Variants in FAM13A observed in about 807,000 individuals in gnomAD.
FAM13A encodes the protein protein FAM13A.
A neutral mutation model predicts 129.6 loss-of-function variants in FAM13A; 76 were observed. The observed-to-expected ratio is 0.59, with a 90% CI of 0.49 to 0.71. FAM13A has a LOEUF of 0.71. FAM13A is among the 30% of genes least tolerant of loss of function. The probability of loss-of-function intolerance (pLI) is 0.00; values close to 1 mark genes in which losing one functional copy is unlikely to be tolerated. For missense variants in FAM13A, 1,108 were observed against 1,249.3 expected (o/e 0.89, Z 1.70); for synonymous variants, 443 against 449.9 (o/e 0.98, Z 0.20).
chr4:88,820,133 T>A (rs181170427), intron 7 of FAM13A, among the ~76,000 whole-genome samples: 11 of 152,324 alleles, frequency 7.2e-5, no homozygotes, highest in Admixed American at 2.0e-4. Flanking sequence ...TTCTATACAC[T>A]CTCACAATAC....
intron 4 of FAM13A, among the ~76,000 whole-genome samples, chr4:88,962,826 T>A (rs1344610713): frequency 6.6e-6 from 1 of 152,056 alleles, no homozygotes; most frequent in Non-Finnish European, 1.5e-5. Context: ...TTAGGTAAAT[T>A]CCAAAACATA....
intron 12 of FAM13A, 134 bp downstream of exon 12, chr4:88,767,849 G>T (rs1745991789): frequency 1.9e-5 from 12 of 642,046 alleles, no homozygotes; most frequent in Non-Finnish European, 3.0e-5. Context: ...CATTTTCCTT[G>T]CTATAAAATA....
chr4:89,036,682 C>T lies in FAM13A; in HGVS notation c.28-7033G>A, dbSNP rs549328855. On this transcript the variant is annotated intron_variant, in intron 1 of 23. Coordinates refer to ENST00000264344, the MANE Select transcript of FAM13A (RefSeq NM_014883.4). ...TTCAGAGATCTTCACAGCAGCCCCT[C>T]CCATCACAGGGCTGGAGGCCTAGGA... Among the ~76,000 whole-genome samples the T allele has an allele frequency of 2.2e-4, 34 of 152,330 alleles. No individual in the cohort carries two copies. In the South Asian group the frequency reaches 6.6e-3, roughly 30 times the overall value.
At chr4:88,953,501 T>C (rs1005432130) in intron 4 of FAM13A, among the ~76,000 whole-genome samples, 6 of 152,064 alleles carry the variant, frequency 3.9e-5, no homozygotes, top group African/African-American at 1.2e-4. Flanking sequence ...AAACATAACA[T>C]AAACTTTAAC....
intron 4 of FAM13A, among the ~76,000 whole-genome samples, chr4:88,939,188 C>T (rs918249082): frequency 6.6e-6 from 1 of 152,126 alleles, no homozygotes; most frequent in African/African-American, 2.4e-5. Context: ...GGGGCAAAAT[C>T]AAGGTGTCAG....
At chr4:88,841,903 T>TA (rs1316175638) in intron 7 of FAM13A, among the ~76,000 whole-genome samples, 10 of 152,148 alleles carry the variant, frequency 6.6e-5, no homozygotes, top group Non-Finnish European at 1.2e-4. Context: ...CCCCTAGGCT[T>TA]ATACCCAAGA....
chr4:88,774,546 T>C (rs929435492), intron 11 of FAM13A, among the ~76,000 whole-genome samples: 1 of 152,162 alleles, frequency 6.6e-6, no homozygotes, highest in African/African-American at 2.4e-5. Context: ...TGCTGAGTTG[T>C]GTTACACTGA....
intron 22 of FAM13A, chr4:88,731,725 G>C (rs897271633): frequency 1.9e-6 from 1 of 518,514 alleles, no homozygotes; most frequent in South Asian, 3.1e-5. Flanking sequence ...TGTGCTCAGC[G>C]TGTGTTAAGT....
At chr4:88,811,143 G>A (rs1182992300) in intron 7 of FAM13A, among the ~76,000 whole-genome samples, 1 of 152,180 alleles carries the variant, frequency 6.6e-6, no homozygotes, top group African/African-American at 2.4e-5. Flanking sequence ...AAGAAGTACA[G>A]ATTTTGCTGA....
chr4:88,811,749 A>T (rs890010713), intron 7 of FAM13A, among the ~76,000 whole-genome samples: 3 of 152,202 alleles, frequency 2.0e-5, no homozygotes, highest in Non-Finnish European at 4.4e-5. Context: ...TAGAAGTCAC[A>T]GAATAGAATC....
intron 6 of FAM13A, among the ~76,000 whole-genome samples, chr4:88,901,276 T>C (rs1747254936): frequency 1.3e-5 from 2 of 151,794 alleles, no homozygotes; most frequent in Non-Finnish European, 2.9e-5. Context: ...CTGAACTCAG[T>C]TCTGGATCAA....
At chr4:88,986,915 C>T (rs1762307518) in intron 4 of FAM13A, among the ~76,000 whole-genome samples, 1 of 152,026 alleles carries the variant, frequency 6.6e-6, no homozygotes. Flanking sequence ...TCTTTATTTC[C>T]TTGCTCTAGA....
At chr4:88,990,718 A>G in intron 4 of FAM13A, 1 of 351,062 alleles carries the variant, frequency 2.8e-6, no homozygotes, top group Non-Finnish European at 5.1e-6. Flanking sequence ...TAATTAAAAT[A>G]TAACTTATTT....
chr4:89,049,872 A>C (rs1771326704), intron 1 of FAM13A, among the ~76,000 whole-genome samples: 1 of 152,240 alleles, frequency 6.6e-6, no homozygotes. Context: ...GACTTATCTA[A>C]AAATAAAATA....
At chr4:89,021,350 T>C (rs1308563031) in intron 2 of FAM13A, among the ~76,000 whole-genome samples, 1 of 152,238 alleles carries the variant, frequency 6.6e-6, no homozygotes, top group Non-Finnish European at 1.5e-5. Flanking sequence ...CCTCATTTTC[T>C]TGGGCCCTTT....
intron 6 of FAM13A, among the ~76,000 whole-genome samples, chr4:88,877,754 A>T (rs140287521): frequency 6.6e-6 from 1 of 152,180 alleles, no homozygotes; most frequent in African/African-American, 2.4e-5. Flanking sequence ...TTTTCTAATA[A>T]GATTTAAATT....
intron 3 of FAM13A, among the ~76,000 whole-genome samples, chr4:89,013,126 G>A (rs894440287): frequency 4.6e-5 from 7 of 151,908 alleles, no homozygotes; most frequent in African/African-American, 1.2e-4. Context: ...TACCATCCCC[G>A]GCTTCAGGGT....
chr4:88,893,887 G>C (rs1186179417), intron 6 of FAM13A, among the ~76,000 whole-genome samples: 1 of 151,400 alleles, frequency 6.6e-6, no homozygotes, highest in African/African-American at 2.4e-5. Flanking sequence ...ATTCTCTCCT[G>C]AAGTAACACT....
intron 7 of FAM13A, among the ~76,000 whole-genome samples, chr4:88,835,516 A>G (rs554227866): frequency 1.3e-5 from 2 of 152,234 alleles, no homozygotes; most frequent in African/African-American, 2.4e-5. Context: ...TTTATTGTGC[A>G]GTTTATTTCT....
Sources: allele counts gnomAD v4.1 joint callset (sites outside exome capture counted in the v4.1 genomes callset), GRCh38; gene constraint gnomAD v4.1.1; transcripts MANE v1.5; gene names NCBI Gene and HGNC (gene_info 2026-07-23, HGNC 2026-07-21).